LETM1: variants seen among roughly 807,000 people sequenced by gnomAD.
LETM1 encodes the protein mitochondrial proton/calcium exchanger protein.
In LETM1, 50 loss-of-function variants were observed where a neutral mutation model predicts 74.5. That is an observed-to-expected ratio of 0.67 (90% confidence interval 0.53 to 0.85). LETM1 has a LOEUF of 0.85. LETM1 is among the 40% of genes least tolerant of loss of function. The pLI, the probability that LETM1 is intolerant of heterozygous loss-of-function variation, is 0.00. For missense variants in LETM1, 824 were observed against 967.8 expected (o/e 0.85, Z 1.97); for synonymous variants, 446 against 407.1 (o/e 1.10, Z -1.15).
Position 1,834,889 on chromosome 4 carries a change from C to T in LETM1, c.832G>A (p.Ala278Thr). The T allele has an allele frequency of 6.2e-7, 1 of 1,614,232 alleles. No individual in the cohort carries two copies. The highest frequency in any genetic ancestry group is 1.1e-5 in the South Asian group (1 of 91,086). The part of the protein sequence containing the change: ...IEEMALKNKA[A>T]KGSATKDFSV... Reference sequence around the variant, plus strand: ...AAGTCTTTGGTGGCGCTGCCCTTGGCTGCCTTGTTCTTCAAGGCCATCTCC... The same window carrying T: ...AAGTCTTTGGTGGCGCTGCCCTTGGTTGCCTTGTTCTTCAAGGCCATCTCC... The change falls in exon 5 of 14, where the codon GCC becomes ACC. Residue 278 changes from alanine to threonine, a missense_variant. Ala to Thr is a moderately conservative substitution (Grantham distance 58). Coordinates refer to ENST00000302787, the MANE Select transcript of LETM1 (RefSeq NM_012318.3). The surrounding 1 kb of genome is among the most constrained non-coding windows in gnomAD (Gnocchi z 5.0).
chr4:1,855,967 G>T lies in LETM1; in HGVS notation c.-17C>A, dbSNP rs899307689. 2.0e-5 allele frequency: 24 copies of T among 1,206,264 alleles called. No individual in the cohort carries two copies. The highest frequency in any genetic ancestry group is 2.5e-5 in the Non-Finnish European group (24 of 971,340). 74.7% of individuals were successfully genotyped at this position (1,206,264 alleles called of 1,614,324 possible). On this transcript the variant is annotated 5_prime_UTR_variant, in exon 1 of 14. Transcript: ENST00000302787. ...GGACGCCATGTGCTCGGGCGCGGCG[G>T]CCGCTCCGGCCTCCTGCGCTGCCTC...
At chr4:1,848,128 G>T (rs564507655) in intron 2 of LETM1, among the ~76,000 whole-genome samples, 1 of 152,120 alleles carries the variant, frequency 6.6e-6, no homozygotes, top group Non-Finnish European at 1.5e-5. Context: ...TTTCTGCCAG[G>T]CATGGTGGCT....
In LETM1 at chr4:1,836,559, C is replaced by T. The variant is rs780018158; in HGVS notation, c.608G>A (p.Cys203Tyr). The part of the protein sequence containing the change: ...RRERRQFLRI[C>Y]ADLFRLVPFL... ...CGGCACCAGGCGGAAGAGGTCAGCGCAGATCCGGAGAAACTGGAAGGGGCG... is the reference window on the plus strand; with the variant it reads ...CGGCACCAGGCGGAAGAGGTCAGCGTAGATCCGGAGAAACTGGAAGGGGCG... The change falls in exon 4 of 14, where the codon TGC (cysteine) becomes TAC (tyrosine). Residue 203 changes from cysteine to tyrosine, a missense_variant. By Grantham distance (194) the Cys-to-Tyr change is radical. This residue lies in a region of LETM1 where 269 missense variants were observed against 348.8 expected (regional missense o/e 0.77). Transcript: ENST00000302787. This position sits in a 1 kb window ranked among gnomAD's most constrained non-coding sequence, Gnocchi z 5.8. The T allele has an allele frequency of 6.2e-7, 1 of 1,613,792 alleles. No individual in the cohort carries two copies. The highest frequency in any genetic ancestry group is 1.1e-5 in the South Asian group (1 of 91,060).
chr4:1,839,206 T>C (rs1352091261), intron 3 of LETM1: 1 of 152,000 alleles, frequency 6.6e-6, no homozygotes, highest in Non-Finnish European at 1.5e-5. Flanking sequence ...CCCGAGAGCC[T>C]GGGCACTGGT....
At chr4:1,840,914 T>C (rs1712666595) in intron 3 of LETM1, among the ~76,000 whole-genome samples, 1 of 152,174 alleles carries the variant, frequency 6.6e-6, no homozygotes, top group African/African-American at 2.4e-5. Context: ...TCTTCTATGT[T>C]GATGACTGTT....
At chr4:1,818,468 C>A (rs923649756) in intron 11 of LETM1, among the ~76,000 whole-genome samples, 1 of 151,348 alleles carries the variant, frequency 6.6e-6, no homozygotes, top group African/African-American at 2.4e-5. Context: ...AAAAAATTAG[C>A]CAGGCATGGT....
chr4:1,841,343 T>C lies in LETM1; in HGVS notation c.594+4A>G, dbSNP rs1463222447. On this transcript the variant is annotated splice_donor_region_variant and intron_variant, in intron 3 of 13. Coordinates refer to ENST00000302787, the MANE Select transcript of LETM1 (RefSeq NM_012318.3). ...AAAGAAAGGACTAGACATGTCCCCA[T>C]TACCTGCCTGCGCTCCCGGCGGGTC... 6.2e-7 allele frequency: 1 copy of C among 1,611,520 alleles called. No homozygotes were observed.
chr4:1,841,814 T>G lies in LETM1; in HGVS notation c.144-17A>C. The G allele has an allele frequency of 6.3e-7, 1 of 1,581,608 alleles. No individual in the cohort carries two copies. Among genetic ancestry groups the G allele is most frequent in the Non-Finnish European group, 8.6e-7 (1 of 1,160,334 alleles). On this transcript the variant is annotated splice_polypyrimidine_tract_variant and intron_variant, in intron 2 of 13. Transcript: ENST00000302787. ...GGAACATTCCTTGAAAAGGGAAGAG[T>G]GGAAAACAGTAGTAAGAGCCAGCAC...
intron 11 of LETM1, among the ~76,000 whole-genome samples, chr4:1,819,083 C>CA (rs796708132): frequency 0.016 from 1,041 of 65,684 alleles, 6 homozygotes; most frequent in Middle Eastern, 0.11. Context: ...GACCTTCTTA[C>CA]AAAAAAAAAA....
chr4:1,829,326 G>A (rs1413582915), intron 6 of LETM1, among the ~76,000 whole-genome samples: 2 of 148,720 alleles, frequency 1.3e-5, no homozygotes, highest in African/African-American at 5.1e-5. Context: ...TCCCAGACGG[G>A]GCGGCTGGCC....
At chr4:1,815,551 C>G in intron 13 of LETM1, 113 bp downstream of exon 13, 1 of 1,186,750 alleles carries the variant, frequency 8.4e-7, no homozygotes, top group Non-Finnish European at 1.2e-6. Flanking sequence ...AAACCCCTGA[C>G]AGGAGGGGGT....
chr4:1,843,983 T>G (rs932149653), intron 2 of LETM1, among the ~76,000 whole-genome samples: 9 of 151,936 alleles, frequency 5.9e-5, no homozygotes, highest in South Asian at 2.1e-4. Context: ...GGAATACACC[T>G]CCTCCCTGCA....
At chr4:1,843,369 C>T (rs1000858860) in intron 2 of LETM1, among the ~76,000 whole-genome samples, 1 of 152,246 alleles carries the variant, frequency 6.6e-6, no homozygotes, top group African/African-American at 2.4e-5. Context: ...CTGCTTGTTT[C>T]TCAGATGGGG....
At chr4:1,845,867 AT>A (rs1273641225) in intron 2 of LETM1, among the ~76,000 whole-genome samples, 1 of 147,802 alleles carries the variant, frequency 6.8e-6, no homozygotes, top group Non-Finnish European at 1.5e-5. Context: ...TTATATTATT[AT>A]TTTTTTTGAG....
intron 1 of LETM1, among the ~76,000 whole-genome samples, chr4:1,852,359 C>T (rs1223702308): frequency 2.6e-5 from 4 of 152,192 alleles, no homozygotes; most frequent in Non-Finnish European, 5.9e-5. Context: ...GTCCCGAGCA[C>T]AGGATCCTTT....
At chr4:1,815,583 A>C (rs1711543333) in intron 13 of LETM1, 81 bp downstream of exon 13, 1 of 1,515,378 alleles carries the variant, frequency 6.6e-7, no homozygotes. Context: ...AGGGTGCCGG[A>C]CATGCAATGA....
At chr4:1,814,976 C>T (rs1009709780) in intron 13 of LETM1, among the ~76,000 whole-genome samples, 2 of 152,208 alleles carry the variant, frequency 1.3e-5, no homozygotes, top group African/African-American at 4.8e-5. Context: ...ATGATCCTTG[C>T]TTCCAAACTG....
At chr4:1,855,793 C>A in intron 1 of LETM1, 76 bp downstream of exon 1, 3 of 925,260 alleles carry the variant, frequency 3.2e-6, no homozygotes, top group Non-Finnish European at 1.4e-6. Context: ...TGACAACCAG[C>A]CCGAACCCGC....
chr4:1,847,219 T>C (rs1712909628), intron 2 of LETM1, among the ~76,000 whole-genome samples: 2 of 151,990 alleles, frequency 1.3e-5, no homozygotes, highest in African/African-American at 2.4e-5. Context: ...GTAATGCCTG[T>C]AGTCCCAGCT....
Sources: gnomAD v4.1 joint callset for allele counts (sites outside exome capture counted in the v4.1 genomes callset) on GRCh38, gnomAD v4.1.1 for gene constraint, gnomAD v4.1.1 regional missense constraint, Gnocchi (gnomAD v3.1) non-coding constraint, MANE v1.5 for transcripts, NCBI Gene and HGNC (gene_info 2026-07-23, HGNC 2026-07-21) for gene names.